Variants in TTC27 observed in about 807,000 individuals in gnomAD.
TTC27 encodes the protein tetratricopeptide repeat domain 27.
TTC27 carries 79 observed loss-of-function variants against 115.9 expected under a neutral mutation model. The observed-to-expected ratio is 0.68, with a 90% CI of 0.57 to 0.82. TTC27 has a LOEUF of 0.82. Ranked by LOEUF, TTC27 falls within the 40% of genes least tolerant of loss-of-function variation. The pLI, the probability that TTC27 is intolerant of heterozygous loss-of-function variation, is 0.00. For missense variants in TTC27, 1,054 were observed against 993.1 expected (o/e 1.06, Z -0.82); for synonymous variants, 401 against 356.0 (o/e 1.13, Z -1.42).
intron 10 of TTC27, among the ~76,000 whole-genome samples, chr2:32,712,342 A>AG (rs1667607643): frequency 6.6e-6 from 1 of 152,216 alleles, no homozygotes; most frequent in Non-Finnish European, 1.5e-5. Context: ...TTTTTATTGC[A>AG]TGTTCAAGGC....
intron 9 of TTC27, among the ~76,000 whole-genome samples, chr2:32,684,242 A>G (rs1226144309): frequency 1.3e-5 from 2 of 152,142 alleles, no homozygotes; most frequent in South Asian, 2.1e-4. Flanking sequence ...TGTCCCTACA[A>G]AGGACATGAA....
intron 8 of TTC27, among the ~76,000 whole-genome samples, chr2:32,677,671 G>A (rs977663220): frequency 2.6e-5 from 4 of 151,758 alleles, no homozygotes; most frequent in African/African-American, 9.7e-5. Flanking sequence ...GGATGGTCTC[G>A]ATCTCTTGAC....
intron 9 of TTC27, among the ~76,000 whole-genome samples, chr2:32,701,861 A>G (rs1002479463): frequency 2.6e-5 from 4 of 152,022 alleles, no homozygotes; most frequent in African/African-American, 9.7e-5. Flanking sequence ...AATAAAATAA[A>G]TTAGCCGGGC....
intron 5 of TTC27, among the ~76,000 whole-genome samples, chr2:32,663,252 C>T (rs1665621048): frequency 6.6e-6 from 1 of 152,184 alleles, no homozygotes; most frequent in Non-Finnish European, 1.5e-5. Flanking sequence ...AGCTTTGTGT[C>T]TGCCCAAACG....
intron 9 of TTC27, among the ~76,000 whole-genome samples, chr2:32,695,612 G>A (rs1227002621): frequency 3.3e-5 from 5 of 150,938 alleles, no homozygotes; most frequent in Non-Finnish European, 7.4e-5. Context: ...CCAGCTACTC[G>A]GGAGGCTGAG....
At chr2:32,787,379 T>C (rs1365537888) in intron 16 of TTC27, among the ~76,000 whole-genome samples, 2 of 152,214 alleles carry the variant, frequency 1.3e-5, no homozygotes, top group Admixed American at 6.5e-5. Flanking sequence ...GACTCAGTTA[T>C]GAAAATCTGA....
chr2:32,644,123 G>A (rs1559184291), intron 4 of TTC27, among the ~76,000 whole-genome samples: 1 of 147,776 alleles, frequency 6.8e-6, no homozygotes, highest in East Asian at 2.0e-4. Flanking sequence ...AGAGTTTGCA[G>A]TGAATCGAGA....
chr2:32,768,305 C>T (rs1669709883), intron 13 of TTC27, among the ~76,000 whole-genome samples: 1 of 152,040 alleles, frequency 6.6e-6, no homozygotes, highest in South Asian at 2.1e-4. Context: ...TATAAGTCCC[C>T]AGATGGAGTA....
At chr2:32,657,357 T>C (rs1463561507) in intron 5 of TTC27, among the ~76,000 whole-genome samples, 8 of 149,068 alleles carry the variant, frequency 5.4e-5, no homozygotes, top group East Asian at 3.9e-4. Context: ...GTCTTTCTTT[T>C]TTTTTTTTTT....
chr2:32,659,104 A>C (rs1341139342), intron 5 of TTC27, among the ~76,000 whole-genome samples: 1 of 152,094 alleles, frequency 6.6e-6, no homozygotes, highest in Non-Finnish European at 1.5e-5. Flanking sequence ...ACCTGGAATT[A>C]CAGGCATGCT....
chr2:32,770,579 G>GT (rs1204565555), intron 13 of TTC27, among the ~76,000 whole-genome samples: 6 of 152,224 alleles, frequency 3.9e-5, no homozygotes, highest in Non-Finnish European at 7.3e-5. Flanking sequence ...AAGTGAGAAT[G>GT]TAAGATTGAT....
chr2:32,637,817 T>C (rs1042505257), intron 3 of TTC27, among the ~76,000 whole-genome samples: 3 of 152,196 alleles, frequency 2.0e-5, no homozygotes, highest in African/African-American at 7.2e-5. Flanking sequence ...CACTGTACAT[T>C]CAGTACCTCC....
intron 10 of TTC27, among the ~76,000 whole-genome samples, chr2:32,713,937 A>G (rs1667668131): frequency 6.6e-6 from 1 of 152,144 alleles, no homozygotes; most frequent in African/African-American, 2.4e-5. Flanking sequence ...ACCCTCAAGT[A>G]GGCCTCAATG....
Position 32,672,326 on chromosome 2 carries a change from G to T in TTC27, c.994G>T (p.Glu332Ter). 6.2e-7 allele frequency: 1 copy of T among 1,613,958 alleles called. No individual in the cohort carries two copies. The highest frequency in any genetic ancestry group is 1.1e-5 in the South Asian group (1 of 91,066). ...GAATGACATAAAGTTAGCAGATTGT[G>T]AACAGTTCCAGATGCCGGATCTGTG... The part of the protein sequence containing the change: ...ILNDIKLADC[E>*]QFQMPDLCAE... Residue 332 changes from glutamate (E) to a stop codon, truncating the protein, a stop_gained, in exon 8 of 20, where the codon GAA becomes TAA. Transcript: ENST00000317907. LOFTEE classifies it high-confidence loss of function.
intron 10 of TTC27, among the ~76,000 whole-genome samples, chr2:32,716,319 TA>T (rs1212412979): frequency 1.3e-5 from 2 of 152,224 alleles, no homozygotes; most frequent in Non-Finnish European, 2.9e-5. Context: ...AAGTGTCCTT[TA>T]ATTAATATTT....
chr2:32,649,691 G>A (rs1293873203), intron 4 of TTC27, among the ~76,000 whole-genome samples: 1 of 151,918 alleles, frequency 6.6e-6, no homozygotes, highest in Non-Finnish European at 1.5e-5. Flanking sequence ...GACTACAGGC[G>A]CCTGCCACCA....
intron 5 of TTC27, among the ~76,000 whole-genome samples, chr2:32,653,729 T>C (rs1665219370): frequency 6.6e-6 from 1 of 152,204 alleles, no homozygotes; most frequent in Non-Finnish European, 1.5e-5. Context: ...GTAATTATAA[T>C]TGTCCATTAA....
chr2:32,697,769 T>C (rs907407611), intron 9 of TTC27, among the ~76,000 whole-genome samples: 1 of 152,140 alleles, frequency 6.6e-6, no homozygotes, highest in Admixed American at 6.6e-5. Context: ...TTTTTTTTTT[T>C]TGGAGACAGT....
intron 9 of TTC27, among the ~76,000 whole-genome samples, chr2:32,697,707 G>A (rs1485387058): frequency 6.6e-6 from 1 of 152,132 alleles, no homozygotes; most frequent in Non-Finnish European, 1.5e-5. Context: ...GGGGCACATA[G>A]ATAATGGCTG....
Sources: gnomAD v4.1 joint callset for allele counts (sites outside exome capture counted in the v4.1 genomes callset) on GRCh38, gnomAD v4.1.1 for gene constraint, MANE v1.5 for transcripts, NCBI Gene and HGNC (gene_info 2026-07-23, HGNC 2026-07-21) for gene names.